CLVS1: variants seen among roughly 807,000 people sequenced by gnomAD.
The protein encoded by CLVS1 is clavesin-1.
CLVS1 carries 10 observed loss-of-function variants against 33.1 expected under a neutral mutation model. The ratio of observed to expected loss-of-function variants is 0.30; its 90% CI spans 0.19 to 0.51. The LOEUF is 0.51. Ranked by LOEUF, CLVS1 falls within the 20% of genes least tolerant of loss-of-function variation. The pLI is 0.97. For synonymous variants in CLVS1, 163 were observed against 166.1 expected, an observed-to-expected ratio of 0.98 and a Z score of 0.14; for missense variants, 343 against 433.4, an observed-to-expected ratio of 0.79 and a Z score of 1.85.
At position 61,214,049 on chromosome 8, in the gene CLVS1, C is replaced by T. The variant is rs541916501; in HGVS notation, c.-152+82189C>T. On this transcript the variant is annotated intron_variant, in intron 2 of 2. Coordinates refer to the CLVS1 transcript ENST00000522621. ...TGAAATAGACCCCAGTCTCCCATAG[C>T]GCTCCCAGGCTTGTTAGGAAGAGGA... is the stretch of plus-strand genomic sequence containing the variant. 1.9e-3 allele frequency among the ~76,000 whole-genome samples: 296 copies of T among 152,268 alleles called. 1 individual carries two copies. Among genetic ancestry groups the T allele is most frequent in the Admixed American group, 4.7e-3 (72 of 15,298 alleles).
At chr8:61,009,233 C>T in the CLVS1 span, among the ~76,000 whole-genome samples, 1 of 151,602 alleles carries the variant, frequency 6.6e-6, no homozygotes, top group Admixed American at 6.6e-5. Context: ...TGCAGTGCCT[C>T]GCCCTCCCAG....
At chr8:61,474,665 C>G (rs1817848270) in intron 5 of CLVS1, among the ~76,000 whole-genome samples, 1 of 152,124 alleles carries the variant, frequency 6.6e-6, no homozygotes. Context: ...GACCCCGAGC[C>G]TGAGTGGAGG....
the CLVS1 span, among the ~76,000 whole-genome samples, chr8:60,969,451 C>T: frequency 2.6e-5 from 4 of 152,132 alleles, no homozygotes; most frequent in East Asian, 1.9e-4. Flanking sequence ...TGCCACAAAG[C>T]GTCTGTTATG....
At chr8:61,244,371 A>T (rs1269211595) in intron 2 of CLVS1, among the ~76,000 whole-genome samples, 2 of 152,208 alleles carry the variant, frequency 1.3e-5, no homozygotes, top group African/African-American at 4.8e-5. Flanking sequence ...AAAAATTATT[A>T]GAAAGTTGTC....
chr8:61,371,513 C>T (rs1246937510), intron 2 of CLVS1, among the ~76,000 whole-genome samples: 1 of 152,174 alleles, frequency 6.6e-6, no homozygotes, highest in African/African-American at 2.4e-5. Context: ...TCAGAATTGA[C>T]TAAGAGGCTG....
the CLVS1 span, among the ~76,000 whole-genome samples, chr8:61,001,008 C>T: frequency 1.3e-5 from 2 of 152,086 alleles, no homozygotes; most frequent in Non-Finnish European, 2.9e-5. Context: ...CTGTAGTCTC[C>T]CCAACTTGCA....
chr8:61,173,255 G>A (rs1012061279), intron 2 of CLVS1, among the ~76,000 whole-genome samples: 1 of 152,194 alleles, frequency 6.6e-6, no homozygotes, highest in African/African-American at 2.4e-5. Context: ...TATTAATGCT[G>A]TGTTAAAGAA....
At chr8:61,033,037 GAAAGAAAGAA>G in the CLVS1 span, among the ~76,000 whole-genome samples, 56 of 105,682 alleles carry the variant, frequency 5.3e-4, no homozygotes, top group African/African-American at 1.2e-3. Context: ...AAGAAAGAAA[GAAAGAAAGAA>G]AAAGAAAGAA....
intron 5 of CLVS1, among the ~76,000 whole-genome samples, chr8:61,497,849 C>T (rs1220898590): frequency 6.6e-6 from 1 of 152,116 alleles, no homozygotes; most frequent in Admixed American, 6.5e-5. Flanking sequence ...TTATTCATGC[C>T]TCCGCTTTTT....
At chr8:61,137,283 C>T (rs765998519) in intron 2 of CLVS1, among the ~76,000 whole-genome samples, 1 of 152,120 alleles carries the variant, frequency 6.6e-6, no homozygotes, top group East Asian at 1.9e-4. Context: ...GGTACTTTTG[C>T]TTTACTTCTC....
At chr8:60,997,025 T>TA in the CLVS1 span, among the ~76,000 whole-genome samples, 23 of 148,938 alleles carry the variant, frequency 1.5e-4, no homozygotes, top group Non-Finnish European at 2.5e-4. Context: ...ATAATGAAAT[T>TA]AAAAAAAAAA....
At chr8:61,460,260 G>T (rs1362098589) in intron 5 of CLVS1, among the ~76,000 whole-genome samples, 3 of 152,010 alleles carry the variant, frequency 2.0e-5, no homozygotes, top group African/African-American at 4.8e-5. Flanking sequence ...TATAGCTCAA[G>T]GACATCAGTT....
chr8:61,234,146 C>G (rs1024185613), intron 2 of CLVS1, among the ~76,000 whole-genome samples: 4 of 152,052 alleles, frequency 2.6e-5, no homozygotes, highest in African/African-American at 9.7e-5. Flanking sequence ...GGAGGCCCAC[C>G]ACAGACCACC....
chr8:61,230,482 A>G (rs1351666825), intron 2 of CLVS1, among the ~76,000 whole-genome samples: 2 of 152,246 alleles, frequency 1.3e-5, no homozygotes, highest in African/African-American at 4.8e-5. Flanking sequence ...GGTAATAGAC[A>G]TAAGCACTAA....
chr8:61,386,250 G>T (rs141725157), intron 3 of CLVS1, among the ~76,000 whole-genome samples: 1 of 152,320 alleles, frequency 6.6e-6, no homozygotes, highest in Non-Finnish European at 1.5e-5. Flanking sequence ...GTGAGGGTAA[G>T]AATTTGCATT....
the CLVS1 span, among the ~76,000 whole-genome samples, chr8:61,027,488 A>G: frequency 2.0e-5 from 3 of 152,102 alleles, no homozygotes; most frequent in Non-Finnish European, 4.4e-5. Flanking sequence ...TCAAAATTAT[A>G]TATGTATGTC....
At chr8:61,480,885 A>C (rs1393579080) in intron 5 of CLVS1, among the ~76,000 whole-genome samples, 1 of 152,164 alleles carries the variant, frequency 6.6e-6, no homozygotes, top group Non-Finnish European at 1.5e-5. Context: ...ATGAGTTTAC[A>C]GTGACCTCTC....
At chr8:61,038,600 T>G in the CLVS1 span, among the ~76,000 whole-genome samples, 1 of 152,092 alleles carries the variant, frequency 6.6e-6, no homozygotes, top group Non-Finnish European at 1.5e-5. Flanking sequence ...ATTCTGGATT[T>G]CCAGGAAGCC....
the CLVS1 span, among the ~76,000 whole-genome samples, chr8:61,007,659 CCACCACG>C: frequency 6.6e-6 from 1 of 152,160 alleles, no homozygotes; most frequent in South Asian, 2.1e-4. Context: ...ACGCAAGCAG[CCACCACG>C]CTACTCCCGC....
Sources: gnomAD v4.1 joint callset for allele counts (sites outside exome capture counted in the v4.1 genomes callset) on GRCh38, gnomAD v4.1.1 for gene constraint, MANE v1.5 for transcripts, NCBI Gene and HGNC (gene_info 2026-07-23, HGNC 2026-07-21) for gene names.